The following GRIP1 variants were observed in gnomAD, a reference collection of about 807,000 sequenced individuals.
GRIP1 encodes glutamate receptor interacting protein 1, also known as glutamate receptor-interacting protein 1.
GRIP1 carries 45 observed loss-of-function variants against 129.9 expected under a neutral mutation model. That is an observed-to-expected ratio of 0.35 (90% confidence interval 0.27 to 0.44). The LOEUF is 0.44. Among genes scored for constraint, GRIP1 ranks in the 20% least tolerant of loss-of-function variants. The probability of loss-of-function intolerance (pLI) is 1.00; values close to 1 mark genes in which losing one functional copy is unlikely to be tolerated. For synonymous variants in GRIP1, 530 were observed against 520.8 expected (o/e 1.02, Z -0.24); for missense variants, 1,196 against 1,396.8 (o/e 0.86, Z 2.29).
chr12:66,764,782 C>T (rs2037578692), intron 1 of GRIP1, among the ~76,000 whole-genome samples: 1 of 151,042 alleles, frequency 6.6e-6, no homozygotes, highest in South Asian at 2.1e-4. Flanking sequence ...AGCAAAGCCC[C>T]CTATCTCTTG....
chr12:66,421,327 T>C (rs1592825891), intron 14 of GRIP1, among the ~76,000 whole-genome samples: 1 of 152,266 alleles, frequency 6.6e-6, no homozygotes, highest in Middle Eastern at 3.4e-3. Flanking sequence ...GAGGATCACC[T>C]GGGGTCAGAA....
intron 1 of GRIP1, among the ~76,000 whole-genome samples, chr12:66,638,610 T>C (rs549770001): frequency 6.6e-6 from 1 of 152,300 alleles, no homozygotes; most frequent in East Asian, 1.9e-4. Flanking sequence ...TTCTCTTACC[T>C]TTTTGGCTAT....
At chr12:66,724,433 C>T (rs547197778) in intron 1 of GRIP1, among the ~76,000 whole-genome samples, 1 of 152,184 alleles carries the variant, frequency 6.6e-6, no homozygotes, top group African/African-American at 2.4e-5. Context: ...GGAAATTTCA[C>T]TGTATCACGG....
Position 66,657,060 on chromosome 12 carries a change from GA to G in GRIP1, c.55+21789del, listed in dbSNP as rs545741477. Among the ~76,000 whole-genome samples the G allele has an allele frequency of 8.7e-4, 131 of 150,188 alleles. No individual in the cohort carries two copies. The South Asian group carries it at 0.015, about 18-fold the overall frequency. ...ATCAGTTTGATTTTGATGTAAACAA[GA>G]AAAAAAAATGGGAGCAATTCATTTT... On this transcript the variant is annotated intron_variant, in intron 1 of 24. Coordinates refer to ENST00000359742, the MANE Select transcript of GRIP1 (RefSeq NM_001366722.1).
intron 1 of GRIP1, among the ~76,000 whole-genome samples, chr12:66,813,289 A>G (rs2039138730): frequency 6.6e-6 from 1 of 152,112 alleles, no homozygotes; most frequent in Non-Finnish European, 1.5e-5. Flanking sequence ...CTCTCATGTG[A>G]ACTAATAGAG....
chr12:66,687,354 AAGT>A (rs1242696932), intron 1 of GRIP1, among the ~76,000 whole-genome samples: 1 of 152,148 alleles, frequency 6.6e-6, no homozygotes, highest in African/African-American at 2.4e-5. Context: ...TAATGGTGGA[AAGT>A]AAGGAAAAGG....
chr12:66,547,837 A>C (rs2061993856), intron 2 of GRIP1, among the ~76,000 whole-genome samples: 1 of 152,194 alleles, frequency 6.6e-6, no homozygotes, highest in South Asian at 2.1e-4. Flanking sequence ...TATGTTCTGT[A>C]TCTTGACTCC....
chr12:66,548,563 C>T (rs1021548806), intron 2 of GRIP1, among the ~76,000 whole-genome samples: 1 of 152,140 alleles, frequency 6.6e-6, no homozygotes, highest in African/African-American at 2.4e-5. Flanking sequence ...CACCCAGAGG[C>T]AACACATGAT....
chr12:66,365,703 C>G (rs1431147258), intron 23 of GRIP1, among the ~76,000 whole-genome samples: 3 of 152,152 alleles, frequency 2.0e-5, no homozygotes, highest in African/African-American at 7.2e-5. Context: ...GACACACATC[C>G]ACTTCTCTTT....
At chr12:66,546,112 G>A (rs2061938236) in intron 2 of GRIP1, among the ~76,000 whole-genome samples, 1 of 151,964 alleles carries the variant, frequency 6.6e-6, no homozygotes, top group Admixed American at 6.6e-5. Flanking sequence ...TTATATGAAA[G>A]GGAAAGGAAC....
chr12:66,357,748 G>A (rs937921077), intron 23 of GRIP1, among the ~76,000 whole-genome samples: 7 of 152,210 alleles, frequency 4.6e-5, no homozygotes, highest in Non-Finnish European at 7.3e-5. Context: ...AGGGCAGAAT[G>A]AATGAATGCT....
At chr12:66,525,759 T>C (rs2061210308) in intron 5 of GRIP1, among the ~76,000 whole-genome samples, 2 of 152,110 alleles carry the variant, frequency 1.3e-5, no homozygotes, top group Admixed American at 6.6e-5. Context: ...TTGCAGATGA[T>C]GTGATTGTAT....
At chr12:66,552,740 C>T (rs1264600456) in intron 2 of GRIP1, among the ~76,000 whole-genome samples, 1 of 152,176 alleles carries the variant, frequency 6.6e-6, no homozygotes, top group Non-Finnish European at 1.5e-5. Context: ...TAAATCAGTC[C>T]TCATTTTGTC....
chr12:67,011,271 C>A (rs2042703582), intron 1 of GRIP1, among the ~76,000 whole-genome samples: 1 of 152,140 alleles, frequency 6.6e-6, no homozygotes, highest in African/African-American at 2.4e-5. Flanking sequence ...AGATTCCATG[C>A]CCTCTTTACT....
At chr12:66,895,711 C>A (rs1431778030) in intron 1 of GRIP1, among the ~76,000 whole-genome samples, 1 of 152,204 alleles carries the variant, frequency 6.6e-6, no homozygotes, top group Admixed American at 6.5e-5. Flanking sequence ...AGACCCACCA[C>A]TACCTCCTGC....
At chr12:67,024,063 C>A (rs1234961463) in intron 1 of GRIP1, among the ~76,000 whole-genome samples, 1 of 152,154 alleles carries the variant, frequency 6.6e-6, no homozygotes, top group Non-Finnish European at 1.5e-5. Flanking sequence ...CAGGTCCCTG[C>A]AGCAAGCAAA....
At chr12:66,722,689 G>A (rs533111576) in intron 1 of GRIP1, among the ~76,000 whole-genome samples, 31 of 152,272 alleles carry the variant, frequency 2.0e-4, no homozygotes, top group Admixed American at 1.5e-3. Context: ...ATGCCTGTAT[G>A]TAGCTTCTGG....
At chr12:66,880,252 A>G (rs547015084) in intron 1 of GRIP1, among the ~76,000 whole-genome samples, 1 of 152,248 alleles carries the variant, frequency 6.6e-6, no homozygotes, top group Admixed American at 6.5e-5. Flanking sequence ...CAAGAACCTC[A>G]CTAGGATTGT....
At chr12:66,548,714 A>G (rs1444163868) in intron 2 of GRIP1, among the ~76,000 whole-genome samples, 2 of 152,158 alleles carry the variant, frequency 1.3e-5, no homozygotes, top group African/African-American at 4.8e-5. Flanking sequence ...AAGGTTTCCA[A>G]CTTGTTTGAT....
Sources: gnomAD v4.1 joint callset for allele counts (sites outside exome capture counted in the v4.1 genomes callset) on GRCh38, gnomAD v4.1.1 for gene constraint, MANE v1.5 for transcripts, NCBI Gene and HGNC (gene_info 2026-07-23, HGNC 2026-07-21) for gene names.